Variants in CDK19 observed in about 807,000 individuals in gnomAD.
The protein encoded by CDK19 is cyclin-dependent kinase 19.
Under a neutral mutation model 68.3 loss-of-function variants are expected in CDK19, and 20 were observed. The ratio of observed to expected loss-of-function variants is 0.29; its 90% CI spans 0.21 to 0.43. CDK19 has a LOEUF of 0.43. Among genes scored for constraint, CDK19 ranks in the 20% least tolerant of loss-of-function variants. The pLI is 1.00. For missense variants in CDK19, 339 were observed against 623.5 expected (o/e 0.54, Z 4.86); for synonymous variants, 221 against 222.8 (o/e 0.99, Z 0.07).
chr6:110,688,425 A>G (rs528272867), intron 2 of CDK19, among the ~76,000 whole-genome samples: 4 of 152,274 alleles, frequency 2.6e-5, no homozygotes, highest in African/African-American at 9.6e-5. Flanking sequence ...CCACTAGGAA[A>G]GACAAAATAG....
chr6:110,686,891 C>G (rs933405668), intron 2 of CDK19, among the ~76,000 whole-genome samples: 2 of 152,132 alleles, frequency 1.3e-5, no homozygotes, highest in Non-Finnish European at 2.9e-5. Context: ...ATCTTTATAA[C>G]TTACACTTCT....
At chr6:110,637,129 G>A (rs904249860) in intron 5 of CDK19, among the ~76,000 whole-genome samples, 1 of 152,230 alleles carries the variant, frequency 6.6e-6, no homozygotes, top group Non-Finnish European at 1.5e-5. Flanking sequence ...TTTTCAGAGG[G>A]TGGTTGTGTA....
chr6:110,781,750 G>A (rs1780841421), intron 1 of CDK19, among the ~76,000 whole-genome samples: 1 of 151,872 alleles, frequency 6.6e-6, no homozygotes, highest in Admixed American at 6.6e-5. Context: ...AGGCTGAGGT[G>A]GGAGGATTGC....
At chr6:110,643,296 T>A (rs1308776810) in intron 4 of CDK19, 8 of 789,206 alleles carry the variant, frequency 1.0e-5, no homozygotes, top group Non-Finnish European at 1.5e-5. Context: ...GAGGTCCACC[T>A]AAAGGTAAGA....
At chr6:110,701,468 C>T (rs373209544) in intron 2 of CDK19, among the ~76,000 whole-genome samples, 4 of 150,152 alleles carry the variant, frequency 2.7e-5, no homozygotes, top group African/African-American at 4.9e-5. Flanking sequence ...AGGAGAATGG[C>T]GTGAACCCGG....
chr6:110,616,534 G>A (rs1778321448), intron 12 of CDK19, among the ~76,000 whole-genome samples: 1 of 152,030 alleles, frequency 6.6e-6, no homozygotes, highest in Non-Finnish European at 1.5e-5. Flanking sequence ...CAGGCATGGT[G>A]GTGGGTCCCT....
chr6:110,716,679 T>G (rs1038303882), intron 2 of CDK19, among the ~76,000 whole-genome samples: 2 of 152,120 alleles, frequency 1.3e-5, no homozygotes, highest in African/African-American at 4.8e-5. Context: ...GCTCAGGTAA[T>G]TTCATAAGGG....
At chr6:110,684,767 T>C (rs376114299) in intron 2 of CDK19, among the ~76,000 whole-genome samples, 6 of 152,192 alleles carry the variant, frequency 3.9e-5, no homozygotes, top group African/African-American at 1.4e-4. Context: ...TGAGTATCAC[T>C]TGCCCAACTT....
At chr6:110,807,145 T>A (rs1336995179) in intron 1 of CDK19, among the ~76,000 whole-genome samples, 52 of 125,306 alleles carry the variant, frequency 4.1e-4, no homozygotes, top group East Asian at 3.9e-3. Flanking sequence ...ACAAATAATT[T>A]AAAAAAAAAA....
At chr6:110,636,721 G>A (rs56963520) in intron 5 of CDK19, among the ~76,000 whole-genome samples, 2,900 of 152,048 alleles carry the variant, frequency 0.019, 100 homozygotes, top group African/African-American at 0.067. Flanking sequence ...TAAAAGTAGA[G>A]GAACAAAAAG....
At chr6:110,754,560 A>C (rs1365009477) in intron 1 of CDK19, among the ~76,000 whole-genome samples, 1 of 150,352 alleles carries the variant, frequency 6.7e-6, no homozygotes, top group Non-Finnish European at 1.5e-5. Context: ...GCTCAATGCT[A>C]CCTCTGCCTC....
intron 2 of CDK19, among the ~76,000 whole-genome samples, chr6:110,732,301 G>A (rs893559610): frequency 1.3e-5 from 2 of 152,132 alleles, no homozygotes; most frequent in African/African-American, 4.8e-5. Context: ...TTTGAGACTA[G>A]CCTGGCTGTC....
intron 2 of CDK19, among the ~76,000 whole-genome samples, chr6:110,721,100 C>A (rs1023282819): frequency 6.7e-6 from 1 of 150,156 alleles, no homozygotes; most frequent in African/African-American, 2.5e-5. Flanking sequence ...ATTAGCTGGT[C>A]GTGGTGACAG....
At chr6:110,719,267 T>C (rs766292685) in intron 2 of CDK19, among the ~76,000 whole-genome samples, 1 of 152,174 alleles carries the variant, frequency 6.6e-6, no homozygotes, top group Non-Finnish European at 1.5e-5. Context: ...GAAGATCACT[T>C]GAGCCCAGGA....
At chr6:110,668,147 T>A (rs1169503300) in intron 3 of CDK19, among the ~76,000 whole-genome samples, 1 of 152,198 alleles carries the variant, frequency 6.6e-6, no homozygotes, top group Non-Finnish European at 1.5e-5. Context: ...CATATTCAAA[T>A]TTTTATATCC....
chr6:110,747,833 T>C (rs182046098), intron 1 of CDK19, among the ~76,000 whole-genome samples: 1 of 152,294 alleles, frequency 6.6e-6, no homozygotes, highest in Admixed American at 6.5e-5. Context: ...TTCAGACCAC[T>C]CAGAAGCCAT....
intron 4 of CDK19, among the ~76,000 whole-genome samples, chr6:110,641,502 C>T (rs1780164223): frequency 6.7e-6 from 1 of 149,292 alleles, no homozygotes; most frequent in Non-Finnish European, 1.5e-5. Flanking sequence ...GAGGCTGAGG[C>T]AGGAATCGCT....
intron 2 of CDK19, among the ~76,000 whole-genome samples, chr6:110,686,166 T>G (rs1304989518): frequency 2.6e-5 from 4 of 152,180 alleles, no homozygotes; most frequent in Non-Finnish European, 5.9e-5. Flanking sequence ...CTTTACAGCC[T>G]AAAAGGAACT....
chr6:110,703,162 C>T (rs761173156), intron 2 of CDK19, among the ~76,000 whole-genome samples: 7 of 152,104 alleles, frequency 4.6e-5, no homozygotes, highest in African/African-American at 1.4e-4. Context: ...ACCCTACCCC[C>T]GGCAAGTGAA....
Sources: allele counts gnomAD v4.1 joint callset (sites outside exome capture counted in the v4.1 genomes callset), GRCh38; gene constraint gnomAD v4.1.1; transcripts MANE v1.5; gene names NCBI Gene and HGNC (gene_info 2026-07-23, HGNC 2026-07-21).